The following THSD7B variants were observed in gnomAD, a reference collection of about 807,000 sequenced individuals.
The protein encoded by THSD7B is thrombospondin type-1 domain-containing protein 7B.
A neutral mutation model predicts 213.6 loss-of-function variants in THSD7B; 138 were observed. That is an observed-to-expected ratio of 0.65 (90% CI 0.56 to 0.74). THSD7B has a LOEUF of 0.74. THSD7B is among the 30% of genes least tolerant of loss of function. The pLI is 0.00. For missense variants in THSD7B, 1,931 were observed against 1,991.5 expected (o/e 0.97, Z 0.58); for synonymous variants, 742 against 687.0 (o/e 1.08, Z -1.25).
intron 21 of THSD7B, among the ~76,000 whole-genome samples, chr2:137,645,703 CAT>C (rs1683017718): frequency 6.6e-6 from 1 of 151,720 alleles, no homozygotes; most frequent in Non-Finnish European, 1.5e-5. Context: ...TAATAAACTG[CAT>C]ATTTTACCTA....
chr2:137,233,175 A>T (rs374757305), intron 9 of THSD7B, 42 bp downstream of exon 9: 58 of 1,538,498 alleles, frequency 3.8e-5, no homozygotes, highest in Non-Finnish European at 5.0e-5. Context: ...TGCTTATTTC[A>T]TGTTGAGTAT....
rs558776135 is a variant in THSD7B, at chr2:137,076,637, G to T, written c.951-18236G>T. ...GGCACTGCCCAGTGAGATGAACCCG[G>T]TACCTCAGTTGGAAATGCAGAAATC... On this transcript the variant is annotated intron_variant, in intron 3 of 27. Transcript: ENST00000409968. 6.6e-5 allele frequency among the ~76,000 whole-genome samples: 10 copies of T among 152,296 alleles called. No homozygotes were observed. The South Asian group carries it at 2.1e-3, about 32-fold the overall frequency.
chr2:137,299,568 A>C (rs1683549855), intron 12 of THSD7B, among the ~76,000 whole-genome samples: 1 of 152,136 alleles, frequency 6.6e-6, no homozygotes, highest in African/African-American at 2.4e-5. Flanking sequence ...GAGATTTCCC[A>C]AGAAATCTCA....
At chr2:137,242,706 G>T in intron 10 of THSD7B, 134 bp downstream of exon 10, 1 of 620,502 alleles carries the variant, frequency 1.6e-6, no homozygotes, top group Non-Finnish European at 2.9e-6. Flanking sequence ...AACAAGTTTG[G>T]TAAAGTTTGT....
intron 2 of THSD7B, among the ~76,000 whole-genome samples, chr2:137,023,921 GTT>G (rs34578587): frequency 2.7e-5 from 4 of 147,512 alleles, no homozygotes; most frequent in African/African-American, 9.9e-5. Context: ...CGTCCTTCTA[GTT>G]TTTTTTTTTT....
chr2:137,503,897 C>T (rs1015854393), intron 15 of THSD7B, among the ~76,000 whole-genome samples: 3 of 151,844 alleles, frequency 2.0e-5, no homozygotes, highest in Non-Finnish European at 2.9e-5. Flanking sequence ...TGGTGGAATG[C>T]GCCTATAGTC....
At position 137,432,824 on chromosome 2, in the gene THSD7B, C is replaced by G. The variant is rs142196532; in HGVS notation, c.2960-18021C>G. 9.4e-3 allele frequency among the ~76,000 whole-genome samples: 1,437 copies of G among 152,238 alleles called. 9 individuals are homozygous for G. The highest frequency in any genetic ancestry group is 0.022 in the South Asian group (108 of 4,818). On this transcript the variant is annotated intron_variant, in intron 14 of 27. Transcript: ENST00000409968. The stretch of plus-strand genomic sequence containing the variant: ...AACTCAAGTCAGTTTCTTCAAGAAG[C>G]CTTTTCCTCAACTTCACCAGTCTGT...
At chr2:137,145,166 T>C (rs1019088113) in intron 5 of THSD7B, among the ~76,000 whole-genome samples, 2 of 152,032 alleles carry the variant, frequency 1.3e-5, no homozygotes, top group African/African-American at 4.8e-5. Context: ...TCCAAAAATA[T>C]AGCAGTGTAT....
At chr2:137,376,662 G>T (rs886857238) in intron 12 of THSD7B, among the ~76,000 whole-genome samples, 5 of 152,142 alleles carry the variant, frequency 3.3e-5, no homozygotes, top group African/African-American at 9.7e-5. Flanking sequence ...ATAAAATAGG[G>T]GTTTAAGGAG....
At chr2:137,259,111 G>C (rs370292697) in intron 10 of THSD7B, among the ~76,000 whole-genome samples, 2 of 152,286 alleles carry the variant, frequency 1.3e-5, no homozygotes, top group South Asian at 2.1e-4. Flanking sequence ...TTGGTTCCAA[G>C]TCTTTGGTAG....
At chr2:137,509,737 A>G (rs951602295) in intron 15 of THSD7B, among the ~76,000 whole-genome samples, 8 of 152,160 alleles carry the variant, frequency 5.3e-5, no homozygotes. Flanking sequence ...CATTTCTATT[A>G]TCCCCCAAAT....
intron 12 of THSD7B, among the ~76,000 whole-genome samples, chr2:137,363,049 G>C (rs926862145): frequency 2.6e-5 from 4 of 152,184 alleles, no homozygotes; most frequent in African/African-American, 9.7e-5. Flanking sequence ...TCAGACCACA[G>C]TGCAATCAAA....
At chr2:137,390,099 A>G (rs747100107) in intron 12 of THSD7B, among the ~76,000 whole-genome samples, 28 of 152,160 alleles carry the variant, frequency 1.8e-4, no homozygotes, top group Non-Finnish European at 4.0e-4. Context: ...CGACATTGGT[A>G]TTTTGATAGG....
At chr2:137,317,789 A>C (rs1212215917) in intron 12 of THSD7B, among the ~76,000 whole-genome samples, 1 of 152,114 alleles carries the variant, frequency 6.6e-6, no homozygotes, top group African/African-American at 2.4e-5. Flanking sequence ...ATGGTGGCGC[A>C]CACCTGTAGA....
intron 4 of THSD7B, among the ~76,000 whole-genome samples, chr2:137,099,648 T>C (rs543579060): frequency 3.3e-5 from 5 of 152,324 alleles, no homozygotes; most frequent in African/African-American, 1.2e-4. Flanking sequence ...ACAGTTTTCA[T>C]ATGAAAATGG....
chr2:137,304,935 A>G (rs754170447), intron 12 of THSD7B, among the ~76,000 whole-genome samples: 14 of 152,104 alleles, frequency 9.2e-5, no homozygotes, highest in Non-Finnish European at 1.8e-4. Flanking sequence ...TGTCTGTTTA[A>G]TGGTGAATGT....
At chr2:136,774,944 G>T (rs1681573372) in intron 1 of THSD7B, among the ~76,000 whole-genome samples, 1 of 152,070 alleles carries the variant, frequency 6.6e-6, no homozygotes, top group Non-Finnish European at 1.5e-5. Flanking sequence ...TAAGCTATAT[G>T]AATAAATTCA....
intron 15 of THSD7B, among the ~76,000 whole-genome samples, chr2:137,483,979 G>C (rs141140333): frequency 1.2e-3 from 177 of 152,052 alleles, no homozygotes; most frequent in African/African-American, 4.0e-3. Flanking sequence ...GACATTATGC[G>C]ATTCGTTCCA....
At chr2:137,010,751 G>A (rs754524515) in intron 2 of THSD7B, among the ~76,000 whole-genome samples, 12 of 152,122 alleles carry the variant, frequency 7.9e-5, no homozygotes, top group Non-Finnish European at 1.5e-4. Flanking sequence ...CTCTAGACCC[G>A]GGAATACAGT....
Sources: gnomAD v4.1 joint callset for allele counts (sites outside exome capture counted in the v4.1 genomes callset) on GRCh38, gnomAD v4.1.1 for gene constraint, MANE v1.5 for transcripts, NCBI Gene and HGNC (gene_info 2026-07-23, HGNC 2026-07-21) for gene names.